The following VPS37A variants were observed in gnomAD, a reference collection of about 807,000 sequenced individuals.
The protein encoded by VPS37A is VPS37A subunit of ESCRT-I, also known as vacuolar protein sorting-associated protein 37A.
A neutral mutation model predicts 49.8 loss-of-function variants in VPS37A; 30 were observed. The observed-to-expected ratio is 0.60, with a 90% CI of 0.45 to 0.82. VPS37A has a LOEUF of 0.82. Among genes scored for constraint, VPS37A ranks in the 40% least tolerant of loss-of-function variants. VPS37A has a pLI of 0.00. For missense variants in VPS37A, 593 were observed against 464.4 expected (o/e 1.28, Z -2.55); for synonymous variants, 195 against 160.6 (o/e 1.21, Z -1.62).
rs1358941789 is a variant in VPS37A, at chr8:17,297,579, A to AAAAAT, written c.*2597_*2601dup. The AAAAAT allele has an allele frequency of 1.3e-5, 2 of 152,062 alleles. No individual in the cohort carries two copies. Among genetic ancestry groups the AAAAAT allele is most frequent in the African/African-American group, 4.8e-5 (2 of 41,436 alleles). The allele number at this position is 152,062 out of a possible 1,614,324, so 9.4% of individuals were successfully genotyped here. A position where few individuals can be genotyped will look rare whatever the true frequency, so the allele number is the denominator to read the frequency against. On this transcript the variant is annotated 3_prime_UTR_variant, in exon 12 of 12. Coordinates refer to ENST00000324849, the MANE Select transcript of VPS37A (RefSeq NM_152415.3). ...ACCTATTTATTTCATATCAACTTTAAAAAATAAATTACTTGCATTCTATAT... is the reference window on the plus strand; with the variant it reads ...ACCTATTTATTTCATATCAACTTTAAAAAATAAAATAAATTACTTGCATTCTATAT...
At chr8:17,283,705 C>T (rs1815321034) in intron 9 of VPS37A, among the ~76,000 whole-genome samples, 1 of 152,068 alleles carries the variant, frequency 6.6e-6, no homozygotes, top group African/African-American at 2.4e-5. Flanking sequence ...TTCCATTGTT[C>T]TTTATGTTTT....
chr8:17,247,734 T>A, intron 1 of VPS37A: 1 of 702,674 alleles, frequency 1.4e-6, no homozygotes, highest in Non-Finnish European at 2.6e-6. Flanking sequence ...GTCAGCAGAA[T>A]TGTTAAAATA....
At chr8:17,311,321 CTT>C in the VPS37A span, among the ~76,000 whole-genome samples, 3 of 152,198 alleles carry the variant, frequency 2.0e-5, no homozygotes, top group African/African-American at 7.2e-5. Context: ...AAATTCATCT[CTT>C]TATTCCAAGC....
chr8:17,272,644 A>G (rs1159480214), intron 4 of VPS37A, among the ~76,000 whole-genome samples: 1 of 152,184 alleles, frequency 6.6e-6, no homozygotes, highest in Admixed American at 6.5e-5. Context: ...GATATTACAA[A>G]TACTCTCTCA....
intron 11 of VPS37A, among the ~76,000 whole-genome samples, chr8:17,288,945 T>G (rs1426954702): frequency 6.6e-6 from 1 of 152,236 alleles, no homozygotes; most frequent in Non-Finnish European, 1.5e-5. Flanking sequence ...CATTGTGGTT[T>G]TGATTTGCAT....
intron 9 of VPS37A, among the ~76,000 whole-genome samples, chr8:17,283,387 C>G (rs1815282516): frequency 6.6e-6 from 1 of 152,150 alleles, no homozygotes; most frequent in Non-Finnish European, 1.5e-5. Context: ...AACTCCCAGG[C>G]TCAAGCCATC....
rs1341406561 is a variant in VPS37A at position 17,246,986 on chromosome 8, G to A, written c.-259G>A. ...GGGCGGCCAGGCTCCCTGGCTGGCCGGTTTGGGCGTCTGGGCCGTGAAGGT... is the reference window on the plus strand; with the variant it reads ...GGGCGGCCAGGCTCCCTGGCTGGCCAGTTTGGGCGTCTGGGCCGTGAAGGT... On this transcript the variant is annotated 5_prime_UTR_variant, in exon 1 of 12. Coordinates refer to ENST00000324849, the MANE Select transcript of VPS37A (RefSeq NM_152415.3). 6.1e-6 allele frequency: 3 copies of A among 492,444 alleles called. No homozygotes were observed. Among genetic ancestry groups the A allele is most frequent in the Admixed American group, 3.7e-5 (1 of 26,676 alleles). 30.5% of individuals were successfully genotyped at this position (492,444 alleles called of 1,614,324 possible). A position where few individuals can be genotyped will look rare whatever the true frequency, so the allele number is the denominator to read the frequency against.
chr8:17,328,054 A>G, the VPS37A span, among the ~76,000 whole-genome samples: 1 of 152,206 alleles, frequency 6.6e-6, no homozygotes, highest in Non-Finnish European at 1.5e-5. Context: ...TGAAACAATG[A>G]CCAACAGTAT....
chr8:17,280,416 G>T lies in VPS37A; in HGVS notation c.942G>T (p.Lys314Asn). Residue 314 changes from lysine to asparagine, a missense_variant, in exon 9 of 12, where the codon AAG becomes AAT. By Grantham distance (94) the Lys-to-Asn change is moderately conservative. Transcript: ENST00000324849. ...AGATGAAGTCCACTTTCGAAAAGAA[G>T]ATGCAAAGGCAGCATGAACTTAGTG... The part of the protein sequence containing the change: ...LTQMKSTFEK[K>N]MQRQHELSES... 6.2e-7 allele frequency: 1 copy of T among 1,609,066 alleles called. No individual in the cohort carries two copies. Among genetic ancestry groups the T allele is most frequent in the Non-Finnish European group, 8.5e-7 (1 of 1,178,356 alleles).
chr8:17,277,567 A>C (rs1814632284), intron 6 of VPS37A, among the ~76,000 whole-genome samples: 1 of 151,984 alleles, frequency 6.6e-6, no homozygotes, highest in African/African-American at 2.4e-5. Flanking sequence ...TTCTAAAGCA[A>C]ATCCCAGATA....
intron 4 of VPS37A, among the ~76,000 whole-genome samples, chr8:17,271,726 C>G (rs1814012559): frequency 2.0e-5 from 3 of 152,156 alleles, no homozygotes; most frequent in Non-Finnish European, 4.4e-5. Context: ...TGCTGAGAGA[C>G]AATGTCTTTA....
At position 17,284,390 on chromosome 8, in the gene VPS37A, C is replaced by T. The variant is rs1049660041; in HGVS notation, c.970-83C>T. 8 of 1,467,048 alleles carry T rather than the reference C, an allele frequency of 5.5e-6. No individual in the cohort carries two copies. The African/African-American group carries it at 1.0e-4, about 19-fold the overall frequency. The allele number at this position is 1,467,048 out of a possible 1,614,324, so 90.9% of individuals were successfully genotyped here. A position where few individuals can be genotyped will look rare whatever the true frequency, so the allele number is the denominator to read the frequency against. On this transcript the variant is annotated intron_variant, in intron 9 of 11. Transcript: ENST00000324849. The stretch of plus-strand genomic sequence containing the variant: ...TAGGGCATATAATAAATTGCCTCTC[C>T]ATACCACTACCTTACTTCCTTTCCC...
chr8:17,313,242 C>T, the VPS37A span: 1 of 1,381,054 alleles, frequency 7.2e-7, no homozygotes, highest in East Asian at 2.3e-5. Flanking sequence ...ATTTTGAAGT[C>T]AGTGGTTTGC....
chr8:17,261,092 C>T (rs568641253), intron 1 of VPS37A, among the ~76,000 whole-genome samples: 21 of 152,278 alleles, frequency 1.4e-4, no homozygotes, highest in Non-Finnish European at 2.8e-4. Context: ...TCTTTTTGAA[C>T]ACCAGTAATT....
intron 4 of VPS37A, among the ~76,000 whole-genome samples, chr8:17,271,399 A>T (rs897257676): frequency 6.6e-6 from 1 of 152,122 alleles, no homozygotes; most frequent in African/African-American, 2.4e-5. Context: ...AGGTCAGGAG[A>T]TCGAGACCAT....
chr8:17,247,700 T>A (rs561446556), intron 1 of VPS37A: 6 of 702,794 alleles, frequency 8.5e-6, no homozygotes, highest in Non-Finnish European at 1.6e-5. Context: ...CACTGATCTT[T>A]CCCTTTGCCC....
chr8:17,261,330 C>G (rs1169301895), intron 1 of VPS37A, among the ~76,000 whole-genome samples: 4 of 152,122 alleles, frequency 2.6e-5, no homozygotes, highest in Non-Finnish European at 4.4e-5. Context: ...TTTATTATTA[C>G]TTAAATCTCT....
chr8:17,272,647 C>T (rs1024782334), intron 4 of VPS37A, among the ~76,000 whole-genome samples: 2 of 152,204 alleles, frequency 1.3e-5, no homozygotes, highest in African/African-American at 4.8e-5. Flanking sequence ...ATTACAAATA[C>T]TCTCTCATGT....
chr8:17,281,232 A>G (rs1003211361), intron 9 of VPS37A, among the ~76,000 whole-genome samples: 2 of 152,044 alleles, frequency 1.3e-5, no homozygotes, highest in East Asian at 1.9e-4. Flanking sequence ...ACCAAATCCT[A>G]TGAAATAGGT....
Sources: gnomAD v4.1 joint callset for allele counts (sites outside exome capture counted in the v4.1 genomes callset) on GRCh38, gnomAD v4.1.1 for gene constraint, MANE v1.5 for transcripts, NCBI Gene and HGNC (gene_info 2026-07-23, HGNC 2026-07-21) for gene names.